PDE8B: variants seen among roughly 807,000 people sequenced by gnomAD.
PDE8B encodes the protein phosphodiesterase 8B.
In PDE8B, 26 loss-of-function variants were observed where a neutral mutation model predicts 101.3. The observed-to-expected ratio is 0.26, with a 90% confidence interval of 0.19 to 0.36. PDE8B has a LOEUF of 0.36. Ranked by LOEUF, PDE8B falls within the 10% of genes least tolerant of loss-of-function variation. PDE8B has a pLI of 1.00. For missense variants in PDE8B, 810 were observed against 1,163.1 expected, an observed-to-expected ratio of 0.70 and a Z score of 4.42; for synonymous variants, 424 against 429.3, an observed-to-expected ratio of 0.99 and a Z score of 0.15.
the PDE8B span, among the ~76,000 whole-genome samples, chr5:77,183,691 G>A: frequency 6.6e-6 from 1 of 152,060 alleles, no homozygotes; most frequent in Admixed American, 6.6e-5. Context: ...AACATGATCT[G>A]GGTGTCTTTT....
chr5:77,121,886 A>G, the PDE8B span, among the ~76,000 whole-genome samples: 3 of 152,190 alleles, frequency 2.0e-5, no homozygotes, highest in African/African-American at 7.2e-5. Flanking sequence ...ATTACGTTTC[A>G]CCTTTGCACT....
intron 3 of PDE8B, among the ~76,000 whole-genome samples, 164 bp downstream of exon 3, chr5:77,325,893 G>C (rs561830659): frequency 6.6e-6 from 1 of 152,242 alleles, no homozygotes; most frequent in East Asian, 1.9e-4. Context: ...GCTCCTTCCT[G>C]TAGATTTCTC....
chr5:77,107,936 A>G, the PDE8B span, among the ~76,000 whole-genome samples: 1 of 151,962 alleles, frequency 6.6e-6, no homozygotes, highest in Non-Finnish European at 1.5e-5. Flanking sequence ...TCCCCCTCCC[A>G]CCACTACCCC....
intron 10 of PDE8B, among the ~76,000 whole-genome samples, chr5:77,389,381 C>A (rs1005579388): frequency 2.6e-5 from 4 of 152,142 alleles, no homozygotes; most frequent in Non-Finnish European, 4.4e-5. Context: ...TGCTTTGGCT[C>A]ACCCTCCGTG....
At chr5:77,182,844 T>C in the PDE8B span, among the ~76,000 whole-genome samples, 1 of 151,942 alleles carries the variant, frequency 6.6e-6, no homozygotes, top group African/African-American at 2.4e-5. Flanking sequence ...ATATATTATG[T>C]ATTTGCTTTT....
intron 1 of PDE8B, among the ~76,000 whole-genome samples, chr5:77,233,137 C>T (rs1312373474): frequency 2.6e-5 from 4 of 151,634 alleles, no homozygotes; most frequent in Admixed American, 6.6e-5. Context: ...AAGAGGAAGG[C>T]GCTGCACACC....
intron 2 of PDE8B, among the ~76,000 whole-genome samples, chr5:77,313,493 A>G (rs750671394): frequency 3.3e-5 from 5 of 152,226 alleles, no homozygotes; most frequent in Non-Finnish European, 7.4e-5. Context: ...AGGCATTGAT[A>G]TCAAGGACTT....
At chr5:77,376,451 G>T (rs1050740852) in intron 10 of PDE8B, among the ~76,000 whole-genome samples, 8 of 152,152 alleles carry the variant, frequency 5.3e-5, no homozygotes, top group Non-Finnish European at 8.8e-5. Context: ...ACAAACACCT[G>T]CTGAATGAAT....
intron 1 of PDE8B, among the ~76,000 whole-genome samples, chr5:77,278,483 T>G (rs1393359320): frequency 6.6e-6 from 1 of 152,204 alleles, no homozygotes; most frequent in Non-Finnish European, 1.5e-5. Context: ...TCTTTTCTTT[T>G]TTTTGAGACG....
the PDE8B span, among the ~76,000 whole-genome samples, chr5:77,108,996 C>G: frequency 6.6e-6 from 1 of 152,202 alleles, no homozygotes; most frequent in African/African-American, 2.4e-5. Flanking sequence ...ATTGTCAGCC[C>G]ATTGACCATC....
At chr5:77,113,050 A>G in the PDE8B span, 2 of 152,262 alleles carry the variant, frequency 1.3e-5, no homozygotes, top group Non-Finnish European at 2.9e-5. Context: ...TTCAATGCTC[A>G]TGGATAGGAA....
At position 77,421,850 on chromosome 5, in the gene PDE8B, T is replaced by C; in HGVS notation, c.2280T>C (p.Pro760=). 1 of 1,614,198 alleles carries C rather than the reference T, an allele frequency of 6.2e-7. No homozygotes were observed. Among genetic ancestry groups the C allele is most frequent in the Admixed American group, 1.7e-5 (1 of 60,034 alleles). The change falls in exon 20 of 22, where the codon CCT becomes CCC. Residue 760 remains proline, a synonymous_variant. Transcript: ENST00000264917. ...AAGGCAGCGACTGTGAATGCAACCCTGCTGGGAAGAACTTCCCTGAAAACC... is the reference window on the plus strand; with the variant it reads ...AAGGCAGCGACTGTGAATGCAACCCCGCTGGGAAGAACTTCCCTGAAAACC... The part of the protein sequence containing the change: ...EIEGSDCECN[P]AGKNFPENQI...
intron 1 of PDE8B, among the ~76,000 whole-genome samples, chr5:77,238,888 G>T (rs758572967): frequency 6.6e-6 from 1 of 152,208 alleles, no homozygotes; most frequent in Non-Finnish European, 1.5e-5. Flanking sequence ...CTGCCCTTTT[G>T]TTCTTTTCAG....
At chr5:77,355,271 A>G (rs1781869639) in intron 10 of PDE8B, among the ~76,000 whole-genome samples, 1 of 152,242 alleles carries the variant, frequency 6.6e-6, no homozygotes, top group Non-Finnish European at 1.5e-5. Flanking sequence ...CAGAGCTCGG[A>G]TACCCTGAGC....
At chr5:77,228,521 G>T (rs17570031) in intron 1 of PDE8B, among the ~76,000 whole-genome samples, 22,590 of 151,940 alleles carry the variant, frequency 0.15, 1,727 homozygotes, top group East Asian at 0.3. Flanking sequence ...AACCCTGAAA[G>T]ACAAATAGGG....
rs140767598 is a variant in PDE8B at position 77,426,551 on chromosome 5, C to G, written c.2655C>G (p.Ser885Arg). 9 of 1,580,244 alleles carry G rather than the reference C, an allele frequency of 5.7e-6. No individual in the cohort carries two copies. The African/African-American group carries it at 1.2e-4, about 21-fold the overall frequency. ...KCKSLRLPSD[S>R] The stretch of plus-strand genomic sequence containing the variant: ...AAAGTTTGAGGCTTCCATCTGACAG[C>G]TAAAGCCAAGCCACAGAGGGGGCCT... Residue 885 changes from serine to arginine, a missense_variant, in exon 22 of 22, where the codon AGC becomes AGG. Ser to Arg is a moderately radical substitution (Grantham distance 110, BLOSUM62 -1). Transcript: ENST00000264917.
chr5:77,235,872 G>A (rs1177736594), intron 1 of PDE8B, among the ~76,000 whole-genome samples: 1 of 151,686 alleles, frequency 6.6e-6, no homozygotes, highest in African/African-American at 2.4e-5. Context: ...AACTGGGGGA[G>A]ATCACCAAGA....
intron 1 of PDE8B, among the ~76,000 whole-genome samples, chr5:77,301,802 T>C (rs76281411): frequency 0.17 from 25,984 of 152,210 alleles, 2,467 homozygotes; most frequent in East Asian, 0.3. Context: ...ATTATTACAT[T>C]ATGAAAGCTT....
At chr5:77,231,477 G>A (rs1753545545) in intron 1 of PDE8B, among the ~76,000 whole-genome samples, 1 of 152,138 alleles carries the variant, frequency 6.6e-6, no homozygotes, top group Admixed American at 6.5e-5. Context: ...TTAAAGGGAG[G>A]GAATTTCAAA....
Sources: gnomAD v4.1 joint callset for allele counts (sites outside exome capture counted in the v4.1 genomes callset) on GRCh38, gnomAD v4.1.1 for gene constraint, MANE v1.5 for transcripts, NCBI Gene and HGNC (gene_info 2026-07-23, HGNC 2026-07-21) for gene names.